STK32B: variants seen among roughly 807,000 people sequenced by gnomAD.
The protein encoded by STK32B is serine/threonine kinase 32B.
Under a neutral mutation model 52.6 loss-of-function variants are expected in STK32B, and 43 were observed. That is an observed-to-expected ratio of 0.82 (90% confidence interval 0.64 to 1.05). STK32B has a LOEUF of 1.05. Among genes scored for constraint, STK32B ranks in the 50% least tolerant of loss-of-function variants. The probability of loss-of-function intolerance (pLI) is 0.00; values close to 1 mark genes in which losing one functional copy is unlikely to be tolerated. For missense variants in STK32B, 621 were observed against 534.6 expected, an observed-to-expected ratio of 1.16 and a Z score of -1.59; for synonymous variants, 238 against 204.3, an observed-to-expected ratio of 1.17 and a Z score of -1.41.
At chr4:5,292,631 C>G (rs1475325028) in intron 3 of STK32B, among the ~76,000 whole-genome samples, 1 of 151,964 alleles carries the variant, frequency 6.6e-6, no homozygotes, top group Non-Finnish European at 1.5e-5. Context: ...TTTTGCTGTG[C>G]AAAAGCTCTT....
At chr4:5,242,979 A>G (rs1042723395) in intron 3 of STK32B, among the ~76,000 whole-genome samples, 1 of 152,130 alleles carries the variant, frequency 6.6e-6, no homozygotes, top group African/African-American at 2.4e-5. Context: ...TGGTTACTGT[A>G]GCCTTGTAGT....
intron 3 of STK32B, among the ~76,000 whole-genome samples, chr4:5,172,234 T>C (rs369623249): frequency 1.3e-5 from 2 of 152,158 alleles, no homozygotes; most frequent in Non-Finnish European, 2.9e-5. Context: ...TTTCTAGATA[T>C]ACAATCATGT....
rs34295862 is a variant in STK32B at position 5,469,050 on chromosome 4, C to CA, written c.1106+997dup. Among the ~76,000 whole-genome samples the CA allele has an allele frequency of 0.46, 58,819 of 126,648 alleles. 13,343 individuals are homozygous for CA. The highest frequency in any genetic ancestry group is 0.51 in the Non-Finnish European group (31,183 of 60,836). 83.1% of individuals were successfully genotyped at this position (126,648 alleles called of 152,430 possible). On this transcript the variant is annotated intron_variant, in intron 11 of 11. Transcript: ENST00000282908. This position sits in a 1 kb window ranked among gnomAD's most constrained non-coding sequence, Gnocchi z 4.7. The stretch of plus-strand genomic sequence containing the variant: ...TGGGCGACAGAGCAAGACTCCGTCT[C>CA]AAAAAAAAAAAAAAAAATTATCTAG...
chr4:5,205,709 T>TCAC (rs1722525970), intron 3 of STK32B, among the ~76,000 whole-genome samples: 1 of 146,552 alleles, frequency 6.8e-6, no homozygotes, highest in African/African-American at 2.6e-5. Context: ...CGCGCGTGTG[T>TCAC]GTGTGTGTGT....
intron 3 of STK32B, among the ~76,000 whole-genome samples, chr4:5,228,326 G>GT (rs1247209840): frequency 3.3e-5 from 5 of 152,246 alleles, no homozygotes; most frequent in Admixed American, 2.0e-4. Flanking sequence ...TTAATTGGAA[G>GT]GGTTGCTATA....
intron 6 of STK32B, among the ~76,000 whole-genome samples, chr4:5,428,539 A>G (rs1713290908): frequency 6.6e-6 from 1 of 152,232 alleles, no homozygotes. Flanking sequence ...TCTTTTCTAA[A>G]AACTGGTGAA....
intron 2 of STK32B, among the ~76,000 whole-genome samples, chr4:5,151,980 C>T (rs1444377891): frequency 6.6e-6 from 1 of 152,220 alleles, no homozygotes; most frequent in Non-Finnish European, 1.5e-5. Context: ...GTGCCAGCCA[C>T]ATGGACCATA....
At chr4:5,368,516 G>A (rs1735021010) in intron 4 of STK32B, among the ~76,000 whole-genome samples, 1 of 151,734 alleles carries the variant, frequency 6.6e-6, no homozygotes, top group Non-Finnish European at 1.5e-5. Context: ...TCACAACAAC[G>A]TCATGAGTTA....
chr4:5,126,972 T>A, intron 1 of STK32B: 1 of 404,468 alleles, frequency 2.5e-6, no homozygotes, highest in South Asian at 1.8e-5. Context: ...ATAGTTGGGA[T>A]ACTGTCTATT....
chr4:5,223,541 C>T lies in STK32B; in HGVS notation c.260+55091C>T, dbSNP rs542966827. 9.9e-5 allele frequency among the ~76,000 whole-genome samples: 15 copies of T among 152,166 alleles called. No individual in the cohort carries two copies. In the South Asian group the frequency reaches 1.7e-3, roughly 17 times the overall value. On this transcript the variant is annotated intron_variant, in intron 3 of 11. Transcript: ENST00000282908. Reference sequence around the variant, plus strand: ...AAAGAAGATTATTCTCAGCCAGGCGCGGTGGCTCACACCTGTAATCCCAGC... The same window carrying T: ...AAAGAAGATTATTCTCAGCCAGGCGTGGTGGCTCACACCTGTAATCCCAGC...
At chr4:5,390,461 C>T (rs1451112480) in intron 4 of STK32B, among the ~76,000 whole-genome samples, 8 of 152,256 alleles carry the variant, frequency 5.3e-5, no homozygotes, top group East Asian at 1.9e-4. Context: ...TGGAGGAGGC[C>T]GTGTTCAGCC....
At chr4:5,316,425 A>G (rs1477476752) in intron 3 of STK32B, among the ~76,000 whole-genome samples, 1 of 23,846 alleles carries the variant, frequency 4.2e-5, no homozygotes, top group Non-Finnish European at 5.3e-5. Context: ...TATATTACAT[A>G]TATAATATAT....
chr4:5,105,378 A>G (rs548328317), intron 1 of STK32B, among the ~76,000 whole-genome samples: 2 of 152,310 alleles, frequency 1.3e-5, no homozygotes, highest in South Asian at 4.1e-4. Context: ...GATTATTTGC[A>G]TTTAGATATC....
At chr4:5,117,154 G>A (rs183325264) in intron 1 of STK32B, among the ~76,000 whole-genome samples, 14 of 151,970 alleles carry the variant, frequency 9.2e-5, no homozygotes, top group East Asian at 1.9e-4. Context: ...TAATTGCTCC[G>A]GCTGGGACCT....
intron 1 of STK32B, among the ~76,000 whole-genome samples, chr4:5,125,948 C>T (rs1385561977): frequency 1.3e-5 from 2 of 152,118 alleles, no homozygotes; most frequent in African/African-American, 4.8e-5. Context: ...TTGCCTCAAC[C>T]TAGGTTGAGC....
rs1012566615 is a variant in STK32B, at chr4:5,467,598, C to T, written c.1042-408C>T. On this transcript the variant is annotated intron_variant, in intron 10 of 11. Transcript: ENST00000282908. This position sits in a 1 kb window ranked among gnomAD's most constrained non-coding sequence, Gnocchi z 5.8. ...TTATAAGTACTGGGGGGCTGGGACTCAAGATACCTTTCAGAGGACACAATT... is the reference window on the plus strand; with the variant it reads ...TTATAAGTACTGGGGGGCTGGGACTTAAGATACCTTTCAGAGGACACAATT... 6.6e-6 allele frequency among the ~76,000 whole-genome samples: 1 copy of T among 152,114 alleles called. No homozygotes were observed. The highest frequency in any genetic ancestry group is 2.4e-5 in the African/African-American group (1 of 41,420).
intron 2 of STK32B, among the ~76,000 whole-genome samples, chr4:5,157,610 T>C (rs1717964424): frequency 6.6e-6 from 1 of 152,214 alleles, no homozygotes; most frequent in Non-Finnish European, 1.5e-5. Flanking sequence ...GCAAAGGTCC[T>C]GAGGCAGGAA....
At chr4:5,061,046 T>C (rs919819416) in intron 1 of STK32B, among the ~76,000 whole-genome samples, 2 of 152,200 alleles carry the variant, frequency 1.3e-5, no homozygotes, top group Admixed American at 1.3e-4. Context: ...TTTGTTAGTG[T>C]TGGAGGATTT....
the STK32B span, among the ~76,000 whole-genome samples, chr4:5,041,303 T>A: frequency 6.6e-6 from 1 of 151,502 alleles, no homozygotes; most frequent in African/African-American, 2.4e-5. Flanking sequence ...AGAGTGTTCA[T>A]GACGACTCCC....
Sources: gnomAD v4.1 joint callset for allele counts (sites outside exome capture counted in the v4.1 genomes callset) on GRCh38, gnomAD v4.1.1 for gene constraint, Gnocchi (gnomAD v3.1) non-coding constraint, MANE v1.5 for transcripts, NCBI Gene and HGNC (gene_info 2026-07-23, HGNC 2026-07-21) for gene names.